The following PRKDC variants were observed in gnomAD, a reference collection of about 807,000 sequenced individuals.
PRKDC encodes the protein DNA-dependent protein kinase catalytic subunit.
PRKDC carries 82 observed loss-of-function variants against 486.9 expected under a neutral mutation model. That is an observed-to-expected ratio of 0.17 (90% confidence interval 0.14 to 0.20). PRKDC has a LOEUF of 0.20. PRKDC is among the 10% of genes least tolerant of loss of function. The pLI is 1.00. For synonymous variants in PRKDC, 1,895 were observed against 1,837.0 expected (o/e 1.03, Z -0.81); for missense variants, 4,504 against 5,038.2 (o/e 0.89, Z 3.21).
At chr8:47,949,215 G>A (rs1345824212) in intron 7 of PRKDC, among the ~76,000 whole-genome samples, 2 of 152,120 alleles carry the variant, frequency 1.3e-5, no homozygotes, top group African/African-American at 2.4e-5. Context: ...GATGATCCAG[G>A]ATCATCTCTT....
At chr8:47,847,029 G>C (rs1419511476) in intron 54 of PRKDC, among the ~76,000 whole-genome samples, 1 of 151,990 alleles carries the variant, frequency 6.6e-6, no homozygotes, top group Admixed American at 6.6e-5. Flanking sequence ...TGAAAAAACG[G>C]ATTAGAAGAA....
chr8:47,776,564 T>G (rs1159979581), intron 85 of PRKDC, among the ~76,000 whole-genome samples: 1 of 152,210 alleles, frequency 6.6e-6, no homozygotes, highest in African/African-American at 2.4e-5. Context: ...TTCTGGCAAC[T>G]GTCTAAGAGT....
chr8:47,814,678 T>C (rs1189207821), intron 68 of PRKDC, among the ~76,000 whole-genome samples: 2 of 152,104 alleles, frequency 1.3e-5, no homozygotes, highest in South Asian at 2.1e-4. Flanking sequence ...ATTAAAGATA[T>C]CTAAATTAAC....
At chr8:47,934,720 A>G (rs2090318453) in intron 14 of PRKDC, among the ~76,000 whole-genome samples, 1 of 152,168 alleles carries the variant, frequency 6.6e-6, no homozygotes, top group Admixed American at 6.5e-5. Flanking sequence ...GGGAACTAAG[A>G]TATGCCTCCC....
At chr8:47,801,672 C>T (rs1160127836) in intron 70 of PRKDC, among the ~76,000 whole-genome samples, 1 of 152,096 alleles carries the variant, frequency 6.6e-6, no homozygotes, top group Non-Finnish European at 1.5e-5. Context: ...TTTAAATTGG[C>T]ACTGTGGCCC....
At chr8:47,910,890 T>C (rs1029288853) in intron 25 of PRKDC, among the ~76,000 whole-genome samples, 1 of 152,168 alleles carries the variant, frequency 6.6e-6, no homozygotes, top group South Asian at 2.1e-4. Context: ...TTCCAAGTGG[T>C]CAATACTAAT....
intron 40 of PRKDC, among the ~76,000 whole-genome samples, chr8:47,866,073 T>C (rs1171942357): frequency 6.6e-6 from 1 of 150,884 alleles, no homozygotes; most frequent in East Asian, 2.0e-4. Flanking sequence ...GGAGAATTGC[T>C]TGAACCCAGA....
chr8:47,857,666 A>G (rs886813816), intron 48 of PRKDC, among the ~76,000 whole-genome samples: 1 of 152,124 alleles, frequency 6.6e-6, no homozygotes, highest in African/African-American at 2.4e-5. Context: ...ATCTCAGGCC[A>G]CGGCTGTCTG....
intron 83 of PRKDC, 41 bp downstream of exon 83, chr8:47,778,418 C>T: frequency 6.3e-7 from 1 of 1,585,892 alleles, no homozygotes; most frequent in Non-Finnish European, 8.6e-7. Flanking sequence ...CCTATGATGA[C>T]TCTCGCCTTG....
chr8:47,953,370 A>G (rs1350909741), intron 7 of PRKDC, among the ~76,000 whole-genome samples: 1 of 152,234 alleles, frequency 6.6e-6, no homozygotes, highest in East Asian at 1.9e-4. Flanking sequence ...AAATGTGTGC[A>G]CGTTAAACTG....
chr8:47,924,447 C>T (rs370949144), intron 21 of PRKDC, among the ~76,000 whole-genome samples: 1 of 152,186 alleles, frequency 6.6e-6, no homozygotes, highest in South Asian at 2.1e-4. Context: ...GTAGTCTCAA[C>T]TACTTGGGAG....
In PRKDC at chr8:47,936,481, T is replaced by C. The variant is rs767937746; in HGVS notation, c.1150A>G (p.Met384Val). The change falls in exon 12 of 86, where the codon ATG becomes GTG. Residue 384 changes from methionine to valine, a missense_variant. Physicochemically the swap from Met to Val is conservative, Grantham distance 21. Transcript: ENST00000314191. ...CAGCGCTGAATGAGCTCAACGTACATGAAGTCAACATCTTTTGCGTTTATA... is the reference window on the plus strand; with the variant it reads ...CAGCGCTGAATGAGCTCAACGTACACGAAGTCAACATCTTTTGCGTTTATA... ...KVINAKDVDF[M>V]YVELIQRCKQ... 1 of 1,614,054 alleles carries C rather than the reference T, an allele frequency of 6.2e-7. No homozygotes were observed. Among genetic ancestry groups the C allele is most frequent in the Non-Finnish European group, 8.5e-7 (1 of 1,179,900 alleles).
chr8:47,879,560 G>A lies in PRKDC; in HGVS notation c.5166C>T (p.Phe1722=), dbSNP rs759792953. The stretch of plus-strand genomic sequence containing the variant: ...GAGGAAATTCCCTGGACTGCATGGG[G>A]AAGTGAGCAACGATGAGCTGCTCCA... ...RVLEQLIVAH[F]PMQSREFPPG... is the part of the protein sequence containing the mutation. The change falls in exon 39 of 86, where the codon TTC becomes TTT. Residue 1722 remains phenylalanine (F), a synonymous_variant. Coordinates refer to ENST00000314191, the MANE Select transcript of PRKDC (RefSeq NM_006904.7). 2.1e-5 allele frequency: 33 copies of A among 1,598,708 alleles called. No homozygotes were observed. The highest frequency in any genetic ancestry group is 2.6e-5 in the Non-Finnish European group (31 of 1,172,328).
chr8:47,918,891 C>A (rs2090030564), intron 21 of PRKDC, among the ~76,000 whole-genome samples: 2 of 151,986 alleles, frequency 1.3e-5, no homozygotes, highest in Non-Finnish European at 2.9e-5. Context: ...TCAGTGGATA[C>A]TAAAACTATT....
At chr8:47,864,451 A>G in intron 41 of PRKDC, 105 bp downstream of exon 41, 10 of 1,022,916 alleles carry the variant, frequency 9.8e-6, no homozygotes, top group Non-Finnish European at 1.3e-5. Flanking sequence ...TATGTGGCAC[A>G]CTCCTTGAAC....
chr8:47,820,353 G>C (rs765014961), intron 66 of PRKDC, among the ~76,000 whole-genome samples: 4 of 151,908 alleles, frequency 2.6e-5, no homozygotes, highest in Non-Finnish European at 5.9e-5. Flanking sequence ...CCACTGTCTA[G>C]GCGACAAAAG....
chr8:47,802,980 G>C (rs1589706962), intron 70 of PRKDC, among the ~76,000 whole-genome samples: 1 of 151,960 alleles, frequency 6.6e-6, no homozygotes, highest in Non-Finnish European at 1.5e-5. Flanking sequence ...GTAGAGATGG[G>C]GTTTCATCAC....
At position 47,946,325 on chromosome 8, in the gene PRKDC, A is replaced by C. The variant is rs540150834; in HGVS notation, c.722-2296T>G. On this transcript the variant is annotated intron_variant, in intron 7 of 85. Coordinates refer to ENST00000314191, the MANE Select transcript of PRKDC (RefSeq NM_006904.7). ...CAACAAGACTCTGCCTCAAAAAAAA[A>C]CCCCTCTCTTACCCCCACATCTCCC... is the stretch of plus-strand genomic sequence containing the variant. Among the ~76,000 whole-genome samples, 67 of 151,678 alleles carry C rather than the reference A, an allele frequency of 4.4e-4. 1 individual carries two copies. Among genetic ancestry groups the C allele is most frequent in the Admixed American group, 4.3e-3 (65 of 15,250 alleles).
chr8:47,920,678 A>G (rs760525926), intron 21 of PRKDC, among the ~76,000 whole-genome samples: 11 of 152,232 alleles, frequency 7.2e-5, no homozygotes, highest in Non-Finnish European at 1.5e-4. Context: ...GTTTAAATAA[A>G]TGTATTTTAT....
Sources: allele counts gnomAD v4.1 joint callset (sites outside exome capture counted in the v4.1 genomes callset), GRCh38; gene constraint gnomAD v4.1.1; transcripts MANE v1.5; gene names NCBI Gene and HGNC (gene_info 2026-07-23, HGNC 2026-07-21).